The following SMURF2 variants were observed in gnomAD, a reference collection of about 807,000 sequenced individuals.
The protein encoded by SMURF2 is SMAD specific E3 ubiquitin protein ligase 2.
In SMURF2, 48 loss-of-function variants were observed where a neutral mutation model predicts 109.6. That is an observed-to-expected ratio of 0.44 (90% CI 0.35 to 0.56). SMURF2 has a LOEUF of 0.56. Among genes scored for constraint, SMURF2 ranks in the 20% least tolerant of loss-of-function variants. The pLI, the probability that SMURF2 is intolerant of heterozygous loss-of-function variation, is 0.01. For missense variants in SMURF2, 575 were observed against 909.0 expected, an observed-to-expected ratio of 0.63 and a Z score of 4.72; for synonymous variants, 288 against 317.1, an observed-to-expected ratio of 0.91 and a Z score of 0.97.
chr17:64,647,162 T>C (rs1472330594), intron 1 of SMURF2, among the ~76,000 whole-genome samples: 3 of 152,118 alleles, frequency 2.0e-5, no homozygotes, highest in Non-Finnish European at 4.4e-5. Flanking sequence ...TCCCAGCAAA[T>C]GTTTACTGAA....
intron 1 of SMURF2, among the ~76,000 whole-genome samples, chr17:64,653,810 C>T (rs565282731): frequency 2.0e-5 from 3 of 152,224 alleles, no homozygotes; most frequent in African/African-American, 4.8e-5. Context: ...AATGTTTATT[C>T]GTAATGGCCA....
At chr17:64,613,673 AGTGTGTGTGTGTGTGT>A (rs61060865) in intron 1 of SMURF2, among the ~76,000 whole-genome samples, 108 of 20,788 alleles carry the variant, frequency 5.2e-3, no homozygotes, top group East Asian at 0.016. Context: ...TCCACGGACC[AGTGTGTGTGTGTGTGT>A]GTGTGTGTGT....
At chr17:64,560,045 C>T (rs782567394) in intron 12 of SMURF2, among the ~76,000 whole-genome samples, 6 of 151,592 alleles carry the variant, frequency 4.0e-5, no homozygotes, top group South Asian at 2.1e-4. Context: ...AGCCACTGCA[C>T]CTGGCCAAAT....
Position 64,547,531 on chromosome 17 carries a change from T to A in SMURF2, c.2071+69A>T. 1.5e-6 allele frequency: 2 copies of A among 1,332,048 alleles called. No individual in the cohort carries two copies. Among genetic ancestry groups the A allele is most frequent in the South Asian group, 2.4e-5 (2 of 84,900 alleles). 82.5% of individuals were successfully genotyped at this position (1,332,048 alleles called of 1,614,324 possible). ...CTAAGCACATGGTTTACAAAATATC[T>A]CCACAGACCCCACGCTGACAGCCCC... On this transcript the variant is annotated intron_variant, in intron 17 of 18. Coordinates refer to ENST00000262435, the MANE Select transcript of SMURF2 (RefSeq NM_022739.4). This position sits in a 1 kb window ranked among gnomAD's most constrained non-coding sequence, Gnocchi z 4.2.
intron 1 of SMURF2, 139 bp from the exon 2 acceptor site, chr17:64,606,779 C>G (rs1213924768): frequency 1.1e-5 from 6 of 563,480 alleles, no homozygotes; most frequent in Non-Finnish European, 1.8e-5. Context: ...CACAAACTTT[C>G]GAACTAGCAA....
intron 7 of SMURF2, among the ~76,000 whole-genome samples, chr17:64,583,138 T>G (rs950747651): frequency 1.3e-5 from 2 of 152,088 alleles, no homozygotes; most frequent in African/African-American, 4.8e-5. Context: ...GTGATCCACA[T>G]GCCTTGGCCT....
intron 15 of SMURF2, among the ~76,000 whole-genome samples, chr17:64,554,096 A>T (rs1555683834): frequency 3.9e-5 from 6 of 152,146 alleles, no homozygotes. Flanking sequence ...TTATCCCTAA[A>T]CTCACAATGT....
chr17:64,565,436 C>G (rs1195126703), intron 10 of SMURF2, among the ~76,000 whole-genome samples: 3 of 152,114 alleles, frequency 2.0e-5, no homozygotes, highest in Non-Finnish European at 2.9e-5. Context: ...TTCTTGAAAT[C>G]AAGTAGATCT....
At chr17:64,573,202 A>G (rs1479288741) in intron 9 of SMURF2, 11 of 8,282 alleles carry the variant, frequency 1.3e-3, no homozygotes, top group East Asian at 2.7e-3. Flanking sequence ...GAGGAGGGGG[A>G]GGAGGAGGGG....
chr17:64,638,908 A>C, intron 1 of SMURF2, among the ~76,000 whole-genome samples: 1 of 152,178 alleles, frequency 6.6e-6, no homozygotes, highest in East Asian at 1.9e-4. Context: ...ATCCAACTAA[A>C]TATCTCTCCA....
At chr17:64,617,311 A>T (rs1180229568) in intron 1 of SMURF2, among the ~76,000 whole-genome samples, 4 of 152,070 alleles carry the variant, frequency 2.6e-5, no homozygotes, top group African/African-American at 4.8e-5. Flanking sequence ...CATGCTGCAA[A>T]ACAAACTAGG....
intron 1 of SMURF2, among the ~76,000 whole-genome samples, chr17:64,612,906 T>A (rs1481663530): frequency 1.3e-5 from 2 of 152,184 alleles, no homozygotes; most frequent in Non-Finnish European, 2.9e-5. Flanking sequence ...ACATTAGTGT[T>A]CTAGAAGAAA....
intron 12 of SMURF2, among the ~76,000 whole-genome samples, chr17:64,559,753 A>AT (rs376173916): frequency 0.053 from 7,571 of 143,322 alleles, 288 homozygotes; most frequent in Admixed American, 0.13. Flanking sequence ...AAAAAAAAAA[A>AT]TTTTTTTTTT....
At position 64,627,009 on chromosome 17, in the gene SMURF2, G is replaced by T. The variant is rs1358639361; in HGVS notation, c.53-20369C>A. ...GATAGGCTCCAGTCTTTAAGCCACC[G>T]CAACTGATACTGAGTGAGGACAAGC... is the stretch of plus-strand genomic sequence containing the variant. On this transcript the variant is annotated intron_variant, in intron 1 of 18. Transcript: ENST00000262435. Among the ~76,000 whole-genome samples, 2 of 150,386 alleles carry T rather than the reference G, an allele frequency of 1.3e-5. 1 individual carries two copies. Among genetic ancestry groups the T allele is most frequent in the South Asian group, 4.2e-4 (2 of 4,782 alleles).
chr17:64,633,446 C>T (rs1278607246), intron 1 of SMURF2, among the ~76,000 whole-genome samples: 1 of 152,192 alleles, frequency 6.6e-6, no homozygotes, highest in Non-Finnish European at 1.5e-5. Flanking sequence ...TCCATACCCA[C>T]ACCGGTATCA....
At chr17:64,554,654 T>C (rs782657328) in intron 15 of SMURF2, among the ~76,000 whole-genome samples, 5 of 152,214 alleles carry the variant, frequency 3.3e-5, no homozygotes, top group Non-Finnish European at 7.3e-5. Flanking sequence ...ACCAGTGTTG[T>C]CATCCATGTT....
rs1301797381 is a variant in SMURF2, at chr17:64,547,015, G to A, written c.2071+585C>T. ...AAAATGAAGTGCTTAAGAGGTAAAG[G>A]AAGCAACTGCCACCCAGTGAAGCAC... On this transcript the variant is annotated intron_variant, in intron 17 of 18. Transcript: ENST00000262435. The surrounding 1 kb of genome is among the most constrained non-coding windows in gnomAD (Gnocchi z 4.2). Among the ~76,000 whole-genome samples, 2 of 152,216 alleles carry A rather than the reference G, an allele frequency of 1.3e-5. No homozygotes were observed. The highest frequency in any genetic ancestry group is 2.9e-5 in the Non-Finnish European group (2 of 68,038).
intron 1 of SMURF2, among the ~76,000 whole-genome samples, chr17:64,626,712 G>A (rs1306205139): frequency 6.6e-6 from 1 of 152,016 alleles, no homozygotes; most frequent in Non-Finnish European, 1.5e-5. Flanking sequence ...GCAGTGAGCC[G>A]AGATTGTGCC....
chr17:64,613,828 T>C (rs1970085357), intron 1 of SMURF2, among the ~76,000 whole-genome samples: 1 of 151,644 alleles, frequency 6.6e-6, no homozygotes, highest in Non-Finnish European at 1.5e-5. Flanking sequence ...TTTCTATTAT[T>C]ATTACATTGT....
Sources: gnomAD v4.1 joint callset for allele counts (sites outside exome capture counted in the v4.1 genomes callset) on GRCh38, gnomAD v4.1.1 for gene constraint, Gnocchi (gnomAD v3.1) non-coding constraint, MANE v1.5 for transcripts, NCBI Gene and HGNC (gene_info 2026-07-23, HGNC 2026-07-21) for gene names.